The following CSMD1 variants were observed in gnomAD, a reference collection of about 807,000 sequenced individuals.
CSMD1 encodes the protein CUB and sushi domain-containing protein 1.
CSMD1 carries 213 observed loss-of-function variants against 417.5 expected under a neutral mutation model. The observed-to-expected ratio is 0.51, with a 90% CI of 0.46 to 0.57. CSMD1 has a LOEUF of 0.57. Ranked by LOEUF, CSMD1 falls within the 20% of genes least tolerant of loss-of-function variation. The pLI is 0.00. For missense variants in CSMD1, 6,923 were observed against 4,529.7 expected, an observed-to-expected ratio of 1.53 and a Z score of -15.17; for synonymous variants, 2,862 against 1,736.8, an observed-to-expected ratio of 1.65 and a Z score of -16.11.
intron 54 of CSMD1, among the ~76,000 whole-genome samples, chr8:2,986,779 C>T (rs1237713776): frequency 6.6e-6 from 1 of 152,172 alleles, no homozygotes; most frequent in African/African-American, 2.4e-5. Flanking sequence ...GCTGGGATTA[C>T]AGGCGTGAGC....
chr8:4,322,564 G>A (rs555089193), intron 3 of CSMD1, among the ~76,000 whole-genome samples: 5 of 152,272 alleles, frequency 3.3e-5, no homozygotes, highest in East Asian at 1.9e-4. Context: ...GAGTAAGTAA[G>A]ATTTTGATGA....
intron 1 of CSMD1, among the ~76,000 whole-genome samples, chr8:4,811,671 T>G: frequency 6.6e-6 from 1 of 152,156 alleles, no homozygotes; most frequent in East Asian, 1.9e-4. Flanking sequence ...TGAAATGATT[T>G]CTATTGGCTC....
chr8:4,894,776 T>G (rs187530721), intron 1 of CSMD1, among the ~76,000 whole-genome samples: 1 of 151,950 alleles, frequency 6.6e-6, no homozygotes, highest in Non-Finnish European at 1.5e-5. Context: ...GTATAAAATC[T>G]TCTGACTTTT....
At chr8:4,054,599 T>G (rs1033852752) in intron 3 of CSMD1, among the ~76,000 whole-genome samples, 1 of 152,050 alleles carries the variant, frequency 6.6e-6, no homozygotes, top group African/African-American at 2.4e-5. Flanking sequence ...ATTGTGGAGG[T>G]GTATTTAGCT....
intron 7 of CSMD1, among the ~76,000 whole-genome samples, chr8:3,636,745 G>A (rs550429051): frequency 6.6e-6 from 1 of 152,312 alleles, no homozygotes; most frequent in East Asian, 1.9e-4. Context: ...CAGCGAGGAT[G>A]GCAGGGAGTA....
intron 2 of CSMD1, among the ~76,000 whole-genome samples, chr8:4,434,075 C>T (rs181377870): frequency 6.2e-4 from 95 of 152,246 alleles, no homozygotes; most frequent in Non-Finnish European, 9.9e-4. Flanking sequence ...TTGGGACTCA[C>T]GCCTGTGATC....
At chr8:4,142,848 C>A (rs1259182327) in intron 3 of CSMD1, among the ~76,000 whole-genome samples, 1 of 151,066 alleles carries the variant, frequency 6.6e-6, no homozygotes, top group African/African-American at 2.5e-5. Context: ...AATTGTTGTG[C>A]TGTTTCTAAT....
chr8:3,319,624 G>C (rs1365901374), intron 23 of CSMD1, among the ~76,000 whole-genome samples: 1 of 151,972 alleles, frequency 6.6e-6, no homozygotes, highest in Admixed American at 6.5e-5. Context: ...GAGAGTTTCT[G>C]TGAAATTGAA....
At chr8:3,722,747 T>A (rs1169521881) in intron 6 of CSMD1, among the ~76,000 whole-genome samples, 1 of 152,354 alleles carries the variant, frequency 6.6e-6, no homozygotes, top group South Asian at 2.1e-4. Flanking sequence ...GGTTTTCTAA[T>A]ATTAGCATTA....
chr8:4,310,461 G>C (rs565635965), intron 3 of CSMD1, among the ~76,000 whole-genome samples: 2 of 152,178 alleles, frequency 1.3e-5, no homozygotes, highest in Non-Finnish European at 2.9e-5. Flanking sequence ...AGGATGAACA[G>C]CATGCGTTAT....
chr8:4,352,787 T>A (rs1229088586), intron 3 of CSMD1, among the ~76,000 whole-genome samples: 1 of 152,230 alleles, frequency 6.6e-6, no homozygotes. Context: ...TGTTGGAATG[T>A]GGACATGGCT....
intron 5 of CSMD1, among the ~76,000 whole-genome samples, chr8:3,754,825 T>C (rs1444506761): frequency 6.6e-6 from 1 of 152,222 alleles, no homozygotes; most frequent in Non-Finnish European, 1.5e-5. Context: ...GGTAACAAGC[T>C]ATATTCCCAG....
intron 2 of CSMD1, among the ~76,000 whole-genome samples, chr8:4,442,634 G>T (rs1798550070): frequency 6.6e-6 from 1 of 152,118 alleles, no homozygotes; most frequent in Non-Finnish European, 1.5e-5. Flanking sequence ...CTGGATTGCT[G>T]GGGATTCCAG....
At chr8:4,962,103 ATT>A (rs952197429) in intron 1 of CSMD1, among the ~76,000 whole-genome samples, 1 of 80,602 alleles carries the variant, frequency 1.2e-5, no homozygotes, top group Non-Finnish European at 2.3e-5. Flanking sequence ...GTAAGTATGT[ATT>A]TTTTTGTTGT....
intron 3 of CSMD1, among the ~76,000 whole-genome samples, chr8:4,178,821 T>C (rs574105826): frequency 2.6e-5 from 4 of 152,174 alleles, no homozygotes; most frequent in Non-Finnish European, 4.4e-5. Flanking sequence ...TGAACTCCCA[T>C]TCACAATTCC....
intron 11 of CSMD1, among the ~76,000 whole-genome samples, chr8:3,480,201 T>C (rs111817742): frequency 2.0e-5 from 3 of 151,512 alleles, no homozygotes; most frequent in Non-Finnish European, 2.9e-5. Context: ...TTTATTAAAA[T>C]ACAAAAAAAA....
chr8:4,520,566 T>A (rs1432823180), intron 2 of CSMD1, among the ~76,000 whole-genome samples: 1 of 152,100 alleles, frequency 6.6e-6, no homozygotes, highest in Non-Finnish European at 1.5e-5. Flanking sequence ...TTTAAACAGA[T>A]AATCAGAGTG....
intron 2 of CSMD1, among the ~76,000 whole-genome samples, chr8:4,538,235 G>C (rs1229392709): frequency 6.8e-6 from 1 of 146,126 alleles, no homozygotes; most frequent in Non-Finnish European, 1.5e-5. Flanking sequence ...GATGTATGTG[G>C]CACCCTTATA....
chr8:4,947,199 T>C (rs1341093363), intron 1 of CSMD1, among the ~76,000 whole-genome samples: 1 of 152,208 alleles, frequency 6.6e-6, no homozygotes, highest in African/African-American at 2.4e-5. Flanking sequence ...ATACATTCAC[T>C]GCTGTTATCT....
Sources: gnomAD v4.1 joint callset for allele counts (sites outside exome capture counted in the v4.1 genomes callset) on GRCh38, gnomAD v4.1.1 for gene constraint, MANE v1.5 for transcripts, NCBI Gene and HGNC (gene_info 2026-07-23, HGNC 2026-07-21) for gene names.